TCF12: variants seen among roughly 807,000 people sequenced by gnomAD.
TCF12 encodes DNA-binding protein HTF4.
TCF12 carries 45 observed loss-of-function variants against 86.0 expected under a neutral mutation model. The observed-to-expected ratio is 0.52, with a 90% CI of 0.41 to 0.67. The LOEUF is 0.67. Ranked by LOEUF, TCF12 falls within the 30% of genes least tolerant of loss-of-function variation. TCF12 has a pLI of 0.00. For synonymous variants in TCF12, 330 were observed against 299.6 expected, an observed-to-expected ratio of 1.10 and a Z score of -1.05; for missense variants, 881 against 859.9, an observed-to-expected ratio of 1.02 and a Z score of -0.31.
intron 5 of TCF12, among the ~76,000 whole-genome samples, chr15:57,110,090 A>G (rs1371663936): frequency 6.6e-6 from 1 of 152,218 alleles, no homozygotes; most frequent in African/African-American, 2.4e-5. Flanking sequence ...AGTTGTAAAG[A>G]TACACCTTTC....
At chr15:57,075,796 T>C (rs2585089) in intron 4 of TCF12, among the ~76,000 whole-genome samples, 1,094 of 25,870 alleles carry the variant, frequency 0.042, 13 homozygotes, top group African/African-American at 0.081. Flanking sequence ...CTTTCTTTCT[T>C]TCTTTCTTTC....
At chr15:57,137,218 A>G (rs1045338746) in intron 5 of TCF12, among the ~76,000 whole-genome samples, 7 of 151,964 alleles carry the variant, frequency 4.6e-5, no homozygotes, top group African/African-American at 1.7e-4. Flanking sequence ...TCCTGACCTC[A>G]TGATCTGCCC....
chr15:57,146,646 A>G (rs2053383383), intron 5 of TCF12, among the ~76,000 whole-genome samples: 1 of 152,208 alleles, frequency 6.6e-6, no homozygotes, highest in African/African-American at 2.4e-5. Context: ...TTTGCTGTGA[A>G]TGTCTTTCGT....
At chr15:57,136,367 G>A (rs1462632474) in intron 5 of TCF12, among the ~76,000 whole-genome samples, 2 of 152,014 alleles carry the variant, frequency 1.3e-5, no homozygotes, top group African/African-American at 4.8e-5. Flanking sequence ...TTTTTTCTTT[G>A]CTCTTGGGAG....
At chr15:57,090,740 AG>A (rs1343667922) in intron 4 of TCF12, among the ~76,000 whole-genome samples, 3 of 152,182 alleles carry the variant, frequency 2.0e-5, no homozygotes, top group African/African-American at 7.2e-5. Context: ...TCTGTGAGCC[AG>A]GGTAGTTTTT....
chr15:57,010,054 G>C (rs1188752500), intron 3 of TCF12, among the ~76,000 whole-genome samples: 2 of 152,004 alleles, frequency 1.3e-5, no homozygotes, highest in Admixed American at 6.6e-5. Context: ...ATTTAACATA[G>C]GTTTATGAGC....
At chr15:57,056,379 T>G (rs1416013082) in intron 3 of TCF12, among the ~76,000 whole-genome samples, 1 of 152,060 alleles carries the variant, frequency 6.6e-6, no homozygotes, top group Non-Finnish European at 1.5e-5. Context: ...TGACCTCAGG[T>G]GATCCACCTG....
rs79360161 is a variant in TCF12 at position 57,014,573 on chromosome 15, T to C, written c.149-49177T>C. Among the ~76,000 whole-genome samples the C allele has an allele frequency of 3.4e-3, 511 of 152,292 alleles. 17 individuals carry two copies. The East Asian group carries it at 0.081, about 24-fold the overall frequency. On this transcript the variant is annotated intron_variant, in intron 3 of 20. Transcript: ENST00000333725. ...AGGATGAAAGACCTTGGGAGTTACA[T>C]AGATGTATTTTGAAAATTCCTGGGC...
chr15:57,105,088 G>C (rs2050052309), intron 5 of TCF12, among the ~76,000 whole-genome samples: 1 of 151,846 alleles, frequency 6.6e-6, no homozygotes, highest in Admixed American at 6.6e-5. Context: ...TGGCCAGGCT[G>C]GCTTTGAACT....
chr15:57,259,105 G>A (rs2060473565), intron 16 of TCF12, among the ~76,000 whole-genome samples: 2 of 151,920 alleles, frequency 1.3e-5, no homozygotes, highest in Non-Finnish European at 2.9e-5. Context: ...TTATTAAGAC[G>A]ACATTATAGT....
chr15:56,951,622 T>A (rs1567153979), intron 3 of TCF12, among the ~76,000 whole-genome samples: 3 of 152,174 alleles, frequency 2.0e-5, no homozygotes, highest in East Asian at 3.9e-4. Context: ...TTTCCTTAAT[T>A]GGTCACAAAT....
At chr15:57,277,998 T>C (rs938165335) in intron 19 of TCF12, among the ~76,000 whole-genome samples, 1 of 151,876 alleles carries the variant, frequency 6.6e-6, no homozygotes, top group Non-Finnish European at 1.5e-5. Flanking sequence ...ACCTTCCATA[T>C]ACATCCTTTT....
upstream of TCF12, chr15:56,918,294 G>C: frequency 2.2e-6 from 1 of 455,592 alleles, no homozygotes; most frequent in South Asian, 1.5e-5. Flanking sequence ...TTCCACAGCT[G>C]TGTCTCCGTC....
At chr15:57,058,161 G>C (rs569151891) in intron 3 of TCF12, among the ~76,000 whole-genome samples, 1 of 152,082 alleles carries the variant, frequency 6.6e-6, no homozygotes, top group Admixed American at 6.6e-5. Flanking sequence ...TTCCCAAGTC[G>C]ACCCCTGGGA....
intron 18 of TCF12, among the ~76,000 whole-genome samples, chr15:57,271,253 C>T (rs1224609791): frequency 6.6e-6 from 1 of 152,222 alleles, no homozygotes; most frequent in Non-Finnish European, 1.5e-5. Context: ...CCACTTCGTT[C>T]ACACAGTGAA....
chr15:57,041,234 A>G (rs1449609405), intron 3 of TCF12, among the ~76,000 whole-genome samples: 1 of 152,198 alleles, frequency 6.6e-6, no homozygotes, highest in Non-Finnish European at 1.5e-5. Flanking sequence ...CAGTCAAACA[A>G]ATTTAGCTCT....
At chr15:57,269,982 C>G (rs574231426) in intron 18 of TCF12, among the ~76,000 whole-genome samples, 99 of 152,230 alleles carry the variant, frequency 6.5e-4, no homozygotes, top group African/African-American at 2.3e-3. Context: ...TTCTGGCAGC[C>G]CTTAACATTT....
chr15:57,120,259 A>G (rs115522576), intron 5 of TCF12, among the ~76,000 whole-genome samples: 4,483 of 152,258 alleles, frequency 0.029, 185 homozygotes, highest in African/African-American at 0.09. Context: ...TAAACTCCCA[A>G]CTTGGATTCA....
chr15:57,135,062 T>C (rs1351422553), intron 5 of TCF12, among the ~76,000 whole-genome samples: 5 of 152,212 alleles, frequency 3.3e-5, no homozygotes, highest in Non-Finnish European at 4.4e-5. Context: ...ATTTCCTTTG[T>C]TGAATGTGTA....
Sources: allele counts gnomAD v4.1 joint callset (sites outside exome capture counted in the v4.1 genomes callset), GRCh38; gene constraint gnomAD v4.1.1; transcripts MANE v1.5; gene names NCBI Gene and HGNC (gene_info 2026-07-23, HGNC 2026-07-21).